Variants in ZMYND11 observed in about 807,000 individuals in gnomAD.
ZMYND11 encodes the protein zinc finger MYND-type containing 11.
A neutral mutation model predicts 84.9 loss-of-function variants in ZMYND11; 9 were observed. That is an observed-to-expected ratio of 0.11 (90% CI 0.06 to 0.18). ZMYND11 has a LOEUF of 0.18. Ranked by LOEUF, ZMYND11 falls within the 10% of genes least tolerant of loss-of-function variation. The probability of loss-of-function intolerance (pLI) is 1.00; values close to 1 mark genes in which losing one functional copy is unlikely to be tolerated. For synonymous variants in ZMYND11, 250 were observed against 244.1 expected (o/e 1.02, Z -0.23); for missense variants, 409 against 761.0 (o/e 0.54, Z 5.44).
At chr10:165,739 TA>T (rs782006133) in intron 1 of ZMYND11, among the ~76,000 whole-genome samples, 2 of 152,082 alleles carry the variant, frequency 1.3e-5, no homozygotes, top group Non-Finnish European at 2.9e-5. Flanking sequence ...AGAGTTAACT[TA>T]AAAAACCCAT....
At chr10:174,829 G>T (rs1284020445) in intron 1 of ZMYND11, among the ~76,000 whole-genome samples, 25 of 151,286 alleles carry the variant, frequency 1.7e-4, no homozygotes, top group African/African-American at 5.4e-4. Flanking sequence ...GCACATGCTT[G>T]TCATTCATAC....
At position 241,897 on chromosome 10, in the gene ZMYND11, TTTAGGAG is replaced by T. The variant is rs1951028665; in HGVS notation, c.832-120_832-114del. On this transcript the variant is annotated intron_variant, in intron 9 of 14. Coordinates refer to ENST00000381604, the MANE Select transcript of ZMYND11 (RefSeq NM_001370100.5). ...TCCCAGAAAAAAAATCTCGTATGTG[TTTAGGAG>T]TTATGAAAGAAATATTTTAGAAATA... 3 of 1,229,080 alleles carry T rather than the reference TTTAGGAG, an allele frequency of 2.4e-6. No individual in the cohort carries two copies. The South Asian group carries it at 4.5e-5, about 18-fold the overall frequency. The allele number at this position is 1,229,080 out of a possible 1,614,324, so 76.1% of individuals were successfully genotyped here.
Position 158,984 on chromosome 10 carries a change from G to GTTT in ZMYND11, c.-19-21006_-19-21004dup, listed in dbSNP as rs376931420. Among the ~76,000 whole-genome samples the GTTT allele has an allele frequency of 2.5e-3, 101 of 40,028 alleles. 11 individuals are homozygous for GTTT. Among genetic ancestry groups the GTTT allele is most frequent in the East Asian group, 6.0e-3 (6 of 1,008 alleles). The allele number at this position is 40,028 out of a possible 152,430, so 26.3% of individuals were successfully genotyped here. On this transcript the variant is annotated intron_variant, in intron 1 of 14. Transcript: ENST00000381604. Reference sequence around the variant, plus strand: ...AGATATATGATTTGCAGGGTTTTTTGTTTTTTGTTTTTTTTTTTTTTTTTA... The same window carrying GTTT: ...AGATATATGATTTGCAGGGTTTTTTGTTTTTTTTTGTTTTTTTTTTTTTTTTTA...
At chr10:247,603 C>A (rs1952419197) in intron 12 of ZMYND11, 137 bp downstream of exon 12, 1 of 917,286 alleles carries the variant, frequency 1.1e-6, no homozygotes, top group South Asian at 1.6e-5. Flanking sequence ...TCAGTCAAAT[C>A]ATATCCATCA....
chr10:164,023 C>G (rs1182246305), intron 1 of ZMYND11, among the ~76,000 whole-genome samples: 1 of 152,150 alleles, frequency 6.6e-6, no homozygotes, highest in African/African-American at 2.4e-5. Context: ...GGAATGCCAA[C>G]TATTTTTGAT....
intron 2 of ZMYND11, among the ~76,000 whole-genome samples, chr10:192,855 A>ACT (rs1367578849): frequency 6.6e-6 from 1 of 150,932 alleles, no homozygotes; most frequent in Non-Finnish European, 1.5e-5. Context: ...AGTCCCTGTT[A>ACT]CTCTCTGCTT....
intron 4 of ZMYND11, among the ~76,000 whole-genome samples, chr10:221,621 T>C (rs1020275134): frequency 6.6e-6 from 1 of 152,188 alleles, no homozygotes; most frequent in East Asian, 1.9e-4. Context: ...GTGACTAATT[T>C]AATGGATGGC....
chr10:166,869 A>G (rs1269851043), intron 1 of ZMYND11, among the ~76,000 whole-genome samples: 1 of 152,164 alleles, frequency 6.6e-6, no homozygotes, highest in African/African-American at 2.4e-5. Context: ...AGTTGAGTGG[A>G]TAAACAAATT....
At chr10:216,259 CTG>C (rs1946180114) in intron 3 of ZMYND11, among the ~76,000 whole-genome samples, 1 of 152,194 alleles carries the variant, frequency 6.6e-6, no homozygotes, top group Non-Finnish European at 1.5e-5. Flanking sequence ...TAAATTCAAA[CTG>C]AGCCTGACTC....
rs1944429530 is a variant in ZMYND11 at position 207,670 on chromosome 10, T to C, written c.117-2219T>C. ...GAGGATACAAACAAATGGAAGAACA[T>C]TCCATGCTCATGGAGAGGAAGAATC... On this transcript the variant is annotated intron_variant, in intron 2 of 14. Transcript: ENST00000381604. 2.0e-5 allele frequency among the ~76,000 whole-genome samples: 3 copies of C among 152,176 alleles called. No individual in the cohort carries two copies. In the South Asian group the frequency reaches 6.2e-4, roughly 32 times the overall value.
chr10:192,318 A>AC (rs1940663164), intron 2 of ZMYND11, among the ~76,000 whole-genome samples: 1 of 152,222 alleles, frequency 6.6e-6, no homozygotes, highest in African/African-American at 2.4e-5. Flanking sequence ...CATCCGTGAT[A>AC]TCATTTGGCT....
intron 1 of ZMYND11, among the ~76,000 whole-genome samples, chr10:178,370 G>A: frequency 6.6e-6 from 1 of 152,246 alleles, no homozygotes; most frequent in African/African-American, 2.4e-5. Flanking sequence ...TCATTTATCT[G>A]AGTATTTATA....
chr10:192,930 A>G (rs1564355763), intron 2 of ZMYND11, among the ~76,000 whole-genome samples: 1 of 152,160 alleles, frequency 6.6e-6, no homozygotes, highest in Non-Finnish European at 1.5e-5. Flanking sequence ...TATTCTAAAC[A>G]TTAATTCCCT....
At chr10:149,903 C>G (rs2131302275) in intron 1 of ZMYND11, among the ~76,000 whole-genome samples, 1 of 151,714 alleles carries the variant, frequency 6.6e-6, no homozygotes, top group Non-Finnish European at 1.5e-5. Flanking sequence ...TGTTTATATG[C>G]TGGATTACGT....
chr10:241,803 T>C (rs1182398609), intron 9 of ZMYND11, among the ~76,000 whole-genome samples: 1 of 152,090 alleles, frequency 6.6e-6, no homozygotes, highest in Non-Finnish European at 1.5e-5. Flanking sequence ...ATGGCCTTGC[T>C]CCAGTCCCGA....
intron 6 of ZMYND11, among the ~76,000 whole-genome samples, chr10:239,200 T>A (rs1313134442): frequency 1.3e-5 from 2 of 152,200 alleles, no homozygotes; most frequent in Non-Finnish European, 2.9e-5. Context: ...CTCTGATAAA[T>A]TAATGTAGTG....
At chr10:134,622 A>G (rs1285634408), upstream of ZMYND11, 1 of 152,184 alleles carries the variant, frequency 6.6e-6, no homozygotes, top group African/African-American at 2.4e-5. Context: ...CTACCTAAAC[A>G]ATGTTGTTAA....
chr10:201,198 G>T (rs1470973440), intron 2 of ZMYND11, among the ~76,000 whole-genome samples: 1 of 152,066 alleles, frequency 6.6e-6, no homozygotes, highest in Non-Finnish European at 1.5e-5. Context: ...AAGTCTTAAG[G>T]TGTTTATCCA....
Position 171,078 on chromosome 10 carries a change from G to A in ZMYND11, c.-19-8916G>A, listed in dbSNP as rs139724370. On this transcript the variant is annotated intron_variant, in intron 1 of 14. Transcript: ENST00000381604. The stretch of plus-strand genomic sequence containing the variant: ...TAGGGAAGTTATAAGGGATAAAGGT[G>A]GGCAGTACATAATGATAAAGGAGTC... Among the ~76,000 whole-genome samples the A allele has an allele frequency of 1.4e-3, 215 of 152,208 alleles. 2 individuals are homozygous for A. Among genetic ancestry groups the A allele is most frequent in the African/African-American group, 5.0e-3 (207 of 41,540 alleles).
Sources: allele counts gnomAD v4.1 joint callset (sites outside exome capture counted in the v4.1 genomes callset), GRCh38; gene constraint gnomAD v4.1.1; transcripts MANE v1.5; gene names NCBI Gene and HGNC (gene_info 2026-07-23, HGNC 2026-07-21).